Variants in FHL2 observed in about 807,000 individuals in gnomAD.
The protein encoded by FHL2 is four and a half LIM domains protein 2.
Under a neutral mutation model 32.7 loss-of-function variants are expected in FHL2, and 20 were observed. The observed-to-expected ratio is 0.61, with a 90% CI of 0.43 to 0.89. The LOEUF (loss-of-function observed/expected upper bound fraction) is 0.89. FHL2 is among the 40% of genes least tolerant of loss of function. The pLI is 0.00. For synonymous variants in FHL2, 123 were observed against 128.1 expected (o/e 0.96, Z 0.27); for missense variants, 311 against 358.6 (o/e 0.87, Z 1.07).
At chr2:105,392,750 A>AG (rs1682815844) in intron 2 of FHL2, among the ~76,000 whole-genome samples, 1 of 151,942 alleles carries the variant, frequency 6.6e-6, no homozygotes. Context: ...GGACAAAAAA[A>AG]GGAAGGAGGA....
chr2:105,415,968 G>T (rs771889655), intron 1 of FHL2, among the ~76,000 whole-genome samples: 81 of 152,170 alleles, frequency 5.3e-4, no homozygotes, highest in Non-Finnish European at 1.0e-3. Flanking sequence ...TTGAAACTGT[G>T]TGTGGAACCA....
intron 1 of FHL2, among the ~76,000 whole-genome samples, chr2:105,414,049 T>C (rs1428563663): frequency 6.6e-6 from 1 of 152,164 alleles, no homozygotes; most frequent in East Asian, 1.9e-4. Context: ...AACAGGCTAT[T>C]AGTTGGGGAG....
intron 1 of FHL2, among the ~76,000 whole-genome samples, chr2:105,397,850 A>G (rs1683242425): frequency 6.6e-6 from 1 of 150,768 alleles, no homozygotes; most frequent in African/African-American, 2.4e-5. Context: ...CTGTACTTCT[A>G]AGACTTGATG....
intron 4 of FHL2, 134 bp from the exon 5 acceptor site, chr2:105,367,873 C>CT: frequency 1.2e-6 from 1 of 813,370 alleles, no homozygotes. Flanking sequence ...GAAGGCTCGC[C>CT]TCTACATGGA....
chr2:105,399,528 A>G, upstream of FHL2: 1 of 1,536,152 alleles, frequency 6.5e-7, no homozygotes, highest in African/African-American at 1.4e-5. Flanking sequence ...TTACGAAATG[A>G]ACACCACAGA....
intron 3 of FHL2, among the ~76,000 whole-genome samples, chr2:105,374,938 A>G (rs970664855): frequency 6.6e-6 from 1 of 152,214 alleles, no homozygotes; most frequent in Admixed American, 6.5e-5. Flanking sequence ...TGAACAGGGC[A>G]CAGGAGGGCT....
At chr2:105,430,870 C>G (rs186269421) in intron 1 of FHL2, among the ~76,000 whole-genome samples, 3 of 152,318 alleles carry the variant, frequency 2.0e-5, no homozygotes, top group Admixed American at 1.3e-4. Context: ...GCTGGGGTTC[C>G]CCACTAAGTC....
intron 1 of FHL2, among the ~76,000 whole-genome samples, chr2:105,417,589 C>T (rs376546810): frequency 1.4e-5 from 2 of 145,738 alleles, no homozygotes; most frequent in African/African-American, 5.1e-5. Flanking sequence ...GAGGCTGAGG[C>T]AGAAGAACTG....
intron 1 of FHL2, among the ~76,000 whole-genome samples, chr2:105,405,735 A>G (rs980589804): frequency 1.3e-5 from 2 of 152,254 alleles, no homozygotes; most frequent in Non-Finnish European, 2.9e-5. Context: ...AGAAAATCCC[A>G]ATAGTCTAAC....
chr2:105,391,005 T>G (rs1452013973), intron 2 of FHL2, among the ~76,000 whole-genome samples: 1 of 151,792 alleles, frequency 6.6e-6, no homozygotes, highest in Non-Finnish European at 1.5e-5. Context: ...GTGTATTTTT[T>G]TTTTTTTAGT....
intron 3 of FHL2, chr2:105,376,770 T>C (rs1399827573): frequency 6.6e-6 from 1 of 152,270 alleles, no homozygotes; most frequent in African/African-American, 2.4e-5. Flanking sequence ...GCCAGATGTC[T>C]ATCAATAGGT....
chr2:105,402,985 A>G (rs1435613084), upstream of FHL2, among the ~76,000 whole-genome samples: 5 of 152,236 alleles, frequency 3.3e-5, no homozygotes, highest in East Asian at 1.9e-4. Context: ...TCTCTGTTCT[A>G]TCTATGACTA....
chr2:105,427,029 G>A (rs965115248), intron 1 of FHL2, among the ~76,000 whole-genome samples: 3 of 152,224 alleles, frequency 2.0e-5, no homozygotes, highest in Non-Finnish European at 4.4e-5. Flanking sequence ...GCAGAGAATG[G>A]AGGATGCCTG....
chr2:105,369,757 C>T (rs1680890802), intron 4 of FHL2, among the ~76,000 whole-genome samples: 2 of 152,180 alleles, frequency 1.3e-5, no homozygotes, highest in African/African-American at 4.8e-5. Flanking sequence ...AGCCCAGAAG[C>T]CAAAGGATTT....
At chr2:105,438,469 G>T in exon 1 of FHL2, 1 of 985,588 alleles carries the variant, frequency 1.0e-6, no homozygotes, top group Non-Finnish European at 1.2e-6. Context: ...CAGGCGGACT[G>T]CCTGGTTGGA....
intron 1 of FHL2, among the ~76,000 whole-genome samples, chr2:105,398,601 G>A (rs1683308361): frequency 6.6e-6 from 1 of 152,226 alleles, no homozygotes; most frequent in Non-Finnish European, 1.5e-5. Flanking sequence ...GCGGGCTGCA[G>A]TCCTCCCTCT....
Position 105,407,833 on chromosome 2 carries a change from G to A in FHL2, c.-24-21293C>T, listed in dbSNP as rs186372010. Among the ~76,000 whole-genome samples, 285 of 152,232 alleles carry A rather than the reference G, an allele frequency of 1.9e-3. 2 individuals carry two copies. The highest frequency in any genetic ancestry group is 7.2e-3 in the Admixed American group (110 of 15,296). ...ACCACCACCAGCCTAGGCCTTAATC[G>A]CAGAGAAGGCCACTCATTGAGGGAC... On this transcript the variant is annotated intron_variant, in intron 1 of 5. Transcript: ENST00000393352.
upstream of FHL2, chr2:105,399,226 T>C: frequency 6.5e-7 from 1 of 1,533,782 alleles, no homozygotes; most frequent in Non-Finnish European, 8.7e-7. Flanking sequence ...CCGTACCCTT[T>C]GTTTGCCAGG....
intron 1 of FHL2, among the ~76,000 whole-genome samples, chr2:105,410,484 A>T (rs1439799394): frequency 6.6e-6 from 1 of 152,080 alleles, no homozygotes. Context: ...GGTCTCTAAC[A>T]GCACCAGTCT....
Sources: allele counts gnomAD v4.1 joint callset (sites outside exome capture counted in the v4.1 genomes callset), GRCh38; gene constraint gnomAD v4.1.1; transcripts MANE v1.5; gene names NCBI Gene and HGNC (gene_info 2026-07-23, HGNC 2026-07-21).